The following ADAMTS12 variants were observed in gnomAD, a reference collection of about 807,000 sequenced individuals.
ADAMTS12 encodes the protein ADAM metallopeptidase with thrombospondin type 1 motif 12, also known as A disintegrin and metalloproteinase with thrombospondin motifs 12.
ADAMTS12 carries 118 observed loss-of-function variants against 167.8 expected under a neutral mutation model. The ratio of observed to expected loss-of-function variants is 0.70; its 90% confidence interval spans 0.61 to 0.82. The LOEUF is 0.82. Among genes scored for constraint, ADAMTS12 ranks in the 40% least tolerant of loss-of-function variants. ADAMTS12 has a pLI of 0.00. For missense variants in ADAMTS12, 1,916 were observed against 1,998.8 expected (o/e 0.96, Z 0.79); for synonymous variants, 704 against 716.9 (o/e 0.98, Z 0.29).
intron 1 of ADAMTS12, chr5:33,888,136 T>C (rs1750704939): frequency 6.6e-6 from 1 of 152,242 alleles, no homozygotes; most frequent in Non-Finnish European, 1.5e-5. Context: ...GGTCCAATAT[T>C]AGTATATGTG....
In ADAMTS12 at chr5:33,862,855, C is replaced by T. The variant is rs1041901237; in HGVS notation, c.489+18264G>A. Among the ~76,000 whole-genome samples, 5 of 152,166 alleles carry T rather than the reference C, an allele frequency of 3.3e-5. No homozygotes were observed. The East Asian group carries it at 9.7e-4, about 29-fold the overall frequency. On this transcript the variant is annotated intron_variant, in intron 2 of 23. Coordinates refer to ENST00000504830, the MANE Select transcript of ADAMTS12 (RefSeq NM_030955.4). The stretch of plus-strand genomic sequence containing the variant: ...AAAAGCTTATCCACCAAGATCAAGT[C>T]GGCTTCATCCCTGGGATGCAAGGCT...
rs114600016 is a variant in ADAMTS12, at chr5:33,878,488, T to C, written c.489+2631A>G. ...GCCTACATGGTAGTACTCCTGCTCC[T>C]TGGGGACATTTGAAATTGAAAGGGT... is the stretch of plus-strand genomic sequence containing the variant. On this transcript the variant is annotated intron_variant, in intron 2 of 23. Coordinates refer to ENST00000504830, the MANE Select transcript of ADAMTS12 (RefSeq NM_030955.4). Among the ~76,000 whole-genome samples, 1,364 of 152,296 alleles carry C rather than the reference T, an allele frequency of 9.0e-3. 25 individuals are homozygous for C. The highest frequency in any genetic ancestry group is 0.031 in the African/African-American group (1,299 of 41,568).
chr5:33,881,958 C>T (rs1427885658), intron 1 of ADAMTS12, among the ~76,000 whole-genome samples: 1 of 152,106 alleles, frequency 6.6e-6, no homozygotes, highest in African/African-American at 2.4e-5. Flanking sequence ...ACATTAAACT[C>T]CCAGAACAAC....
chr5:33,781,000 C>T (rs1452651452), intron 2 of ADAMTS12, among the ~76,000 whole-genome samples: 2 of 152,096 alleles, frequency 1.3e-5, no homozygotes, highest in African/African-American at 4.8e-5. Flanking sequence ...ATGAAGAATA[C>T]TGTCATAATA....
intron 2 of ADAMTS12, among the ~76,000 whole-genome samples, chr5:33,804,916 A>C (rs1005790029): frequency 2.6e-5 from 4 of 152,198 alleles, no homozygotes; most frequent in Non-Finnish European, 5.9e-5. Context: ...AGAATAAAAA[A>C]AAATGTGAAA....
At chr5:33,627,345 AGTGATGGTG>A (rs988316900) in intron 13 of ADAMTS12, among the ~76,000 whole-genome samples, 3 of 126,422 alleles carry the variant, frequency 2.4e-5, no homozygotes, top group Non-Finnish European at 3.3e-5. Flanking sequence ...AAGTGATGGT[AGTGATGGTG>A]GTGATGGTGG....
chr5:33,817,890 T>A (rs1019808349), intron 2 of ADAMTS12, among the ~76,000 whole-genome samples: 1 of 152,156 alleles, frequency 6.6e-6, no homozygotes, highest in Non-Finnish European at 1.5e-5. Context: ...AATCTTTCCA[T>A]AGTAGAATAT....
intron 7 of ADAMTS12, among the ~76,000 whole-genome samples, chr5:33,653,075 G>A (rs1177874035): frequency 6.6e-6 from 1 of 152,126 alleles, no homozygotes; most frequent in African/African-American, 2.4e-5. Flanking sequence ...AAGAAGTGGT[G>A]AGAATGGACA....
chr5:33,844,315 G>T (rs544600646), intron 2 of ADAMTS12, among the ~76,000 whole-genome samples: 2 of 152,150 alleles, frequency 1.3e-5, no homozygotes. Context: ...TGAGCCAGGC[G>T]GAACAGAGCC....
intron 5 of ADAMTS12, among the ~76,000 whole-genome samples, chr5:33,680,959 T>C (rs1742090775): frequency 6.6e-6 from 1 of 152,234 alleles, no homozygotes; most frequent in Non-Finnish European, 1.5e-5. Flanking sequence ...AAACCATTTG[T>C]ACCCTATCAT....
At chr5:33,822,294 C>G (rs1407942927) in intron 2 of ADAMTS12, among the ~76,000 whole-genome samples, 1 of 152,172 alleles carries the variant, frequency 6.6e-6, no homozygotes, top group Non-Finnish European at 1.5e-5. Context: ...TGAAAGCTCT[C>G]TAAGTGGCCA....
intron 3 of ADAMTS12, among the ~76,000 whole-genome samples, chr5:33,702,668 A>G (rs1000901279): frequency 1.3e-5 from 2 of 152,202 alleles, no homozygotes; most frequent in Admixed American, 6.5e-5. Context: ...CTTAGATGAG[A>G]GTTGGCTTCT....
At chr5:33,614,028 C>G (rs1738860667) in intron 16 of ADAMTS12, among the ~76,000 whole-genome samples, 1 of 152,160 alleles carries the variant, frequency 6.6e-6, no homozygotes, top group Non-Finnish European at 1.5e-5. Flanking sequence ...TTTATCAGCT[C>G]TATAAAAGGC....
chr5:33,619,480 T>C (rs985536247), intron 14 of ADAMTS12, among the ~76,000 whole-genome samples: 2 of 152,164 alleles, frequency 1.3e-5, no homozygotes, highest in Admixed American at 1.3e-4. Context: ...ATTTTCTTAA[T>C]GGCAGCTGGA....
chr5:33,531,036 G>C lies in ADAMTS12; in HGVS notation c.4607-3670C>G, dbSNP rs147109270. Among the ~76,000 whole-genome samples the C allele has an allele frequency of 1.5e-3, 221 of 152,332 alleles. 1 individual carries two copies. The highest frequency in any genetic ancestry group is 0.014 in the South Asian group (70 of 4,830). ...GAGTGGTGTCCTTATAAAAAGAGGA[G>C]AAGAGACACAGAGAGAGACACACAT... On this transcript the variant is annotated intron_variant, in intron 23 of 23. Transcript: ENST00000504830.
intron 5 of ADAMTS12, among the ~76,000 whole-genome samples, chr5:33,677,623 A>G (rs910901220): frequency 6.6e-6 from 1 of 152,216 alleles, no homozygotes; most frequent in Admixed American, 6.6e-5. Flanking sequence ...GGAGAAAATT[A>G]AAAGGATAGA....
intron 14 of ADAMTS12, among the ~76,000 whole-genome samples, chr5:33,616,577 G>A (rs372496732): frequency 1.3e-5 from 2 of 152,166 alleles, no homozygotes; most frequent in Non-Finnish European, 2.9e-5. Flanking sequence ...ATCCTGGAGG[G>A]AATCTCAGAT....
intron 16 of ADAMTS12, among the ~76,000 whole-genome samples, chr5:33,613,728 T>C (rs1738845441): frequency 6.6e-6 from 1 of 152,192 alleles, no homozygotes; most frequent in Non-Finnish European, 1.5e-5. Context: ...TCCTGACTAG[T>C]ACATGGCAGC....
At chr5:33,655,118 T>C (rs1229389672) in intron 7 of ADAMTS12, among the ~76,000 whole-genome samples, 1 of 152,164 alleles carries the variant, frequency 6.6e-6, no homozygotes, top group Non-Finnish European at 1.5e-5. Flanking sequence ...TGGAAAAGTA[T>C]GTATATTCTA....
Sources: gnomAD v4.1 joint callset for allele counts (sites outside exome capture counted in the v4.1 genomes callset) on GRCh38, gnomAD v4.1.1 for gene constraint, MANE v1.5 for transcripts, NCBI Gene and HGNC (gene_info 2026-07-23, HGNC 2026-07-21) for gene names.